Variants in VSIG1 observed in about 807,000 individuals in gnomAD.
VSIG1 encodes the protein V-set and immunoglobulin domain containing 1.
A neutral mutation model predicts 20.1 loss-of-function variants in VSIG1; 11 were observed. That is an observed-to-expected ratio of 0.55 (90% CI 0.34 to 0.91). VSIG1 has a LOEUF of 0.91. Among genes scored for constraint, VSIG1 ranks in the 40% least tolerant of loss-of-function variants. The probability of loss-of-function intolerance (pLI) is 0.02; values close to 1 mark genes in which losing one functional copy is unlikely to be tolerated. For missense variants in VSIG1, 283 were observed against 298.8 expected, an observed-to-expected ratio of 0.95 and a Z score of 0.39; for synonymous variants, 126 against 116.7, an observed-to-expected ratio of 1.08 and a Z score of -0.52.
chrX:108,074,793 G>A lies in VSIG1; in HGVS notation c.689-1284G>A, dbSNP rs370364054. Among the ~76,000 whole-genome samples the A allele has an allele frequency of 4.5e-5, 5 of 111,606 alleles. No homozygotes were observed. The East Asian group carries it at 1.1e-3, about 25-fold the overall frequency. On this transcript the variant is annotated intron_variant, in intron 5 of 6. Coordinates refer to ENST00000217957, the MANE Select transcript of VSIG1 (RefSeq NM_182607.5). ...ATGGGAAAGCTGAAGCATGACGGTA[G>A]AGCAGCAGGCTTAGGAGAGCAACCA... is the stretch of plus-strand genomic sequence containing the variant.
chrX:108,037,617 A>C, the VSIG1 span, among the ~76,000 whole-genome samples: 1 of 112,491 alleles, frequency 8.9e-6, no homozygotes, highest in African/African-American at 3.2e-5. Flanking sequence ...ATTTGCCACT[A>C]TTTCAGACTT....
chrX:108,040,790 CT>C (rs1015001756), upstream of VSIG1, among the ~76,000 whole-genome samples: 7 of 111,446 alleles, frequency 6.3e-5, no homozygotes, highest in African/African-American at 1.6e-4. Context: ...AATAAAAATA[CT>C]TTTTTTAAGG....
intron 1 of VSIG1, among the ~76,000 whole-genome samples, chrX:108,048,561 C>T (rs958784059): frequency 5.4e-5 from 6 of 112,112 alleles, no homozygotes; most frequent in Non-Finnish European, 3.8e-5. Flanking sequence ...CTTTACTTTG[C>T]TATTTATTCA....
upstream of VSIG1, among the ~76,000 whole-genome samples, chrX:108,043,103 G>A (rs774942162): frequency 2.0e-4 from 22 of 111,557 alleles, no homozygotes; most frequent in African/African-American, 7.2e-4. Context: ...AGAAGAGAAG[G>A]TGGATGTCAG....
chrX:108,066,193 T>C (rs976763238), intron 2 of VSIG1, among the ~76,000 whole-genome samples: 3 of 112,060 alleles, frequency 2.7e-5, no homozygotes, highest in African/African-American at 9.7e-5. Flanking sequence ...ATGGGTCACT[T>C]AATCTCTCTG....
chrX:108,047,961 CAT>C (rs1172282311), intron 1 of VSIG1, among the ~76,000 whole-genome samples: 4,672 of 19,759 alleles, frequency 0.24, 500 homozygotes, highest in Middle Eastern at 0.39. Flanking sequence ...TATACACACA[CAT>C]ATATATATAT....
At chrX:108,042,045 T>C (rs1238370426), upstream of VSIG1, among the ~76,000 whole-genome samples, 2 of 111,914 alleles carry the variant, frequency 1.8e-5, no homozygotes, top group Admixed American at 9.5e-5. Flanking sequence ...TAAAGCTCTA[T>C]AAAACTGCAA....
chrX:108,060,782 G>A (rs907282549), intron 2 of VSIG1, among the ~76,000 whole-genome samples: 2 of 112,407 alleles, frequency 1.8e-5, no homozygotes, highest in African/African-American at 3.2e-5. Flanking sequence ...GACTAAATGG[G>A]ATGATGCTTG....
chrX:108,053,574 A>G (rs1481424043), intron 1 of VSIG1, among the ~76,000 whole-genome samples: 1 of 112,076 alleles, frequency 8.9e-6, no homozygotes, highest in African/African-American at 3.2e-5. Context: ...CAGAAGAATA[A>G]GAACTAAAGG....
chrX:108,055,198 A>G (rs2030870213), intron 1 of VSIG1, among the ~76,000 whole-genome samples: 1 of 111,363 alleles, frequency 9.0e-6, no homozygotes, highest in South Asian at 3.7e-4. Flanking sequence ...CATATATTTG[A>G]CAACTTAGAA....
At chrX:108,071,211 C>T (rs1250212125) in intron 3 of VSIG1, among the ~76,000 whole-genome samples, 1 of 111,339 alleles carries the variant, frequency 9.0e-6, no homozygotes, top group East Asian at 2.8e-4. Context: ...AGTAATATGA[C>T]ACATTTCATG....
intron 2 of VSIG1, among the ~76,000 whole-genome samples, chrX:108,065,050 G>A (rs757175868): frequency 2.1e-4 from 23 of 111,906 alleles, no homozygotes; most frequent in Non-Finnish European, 4.3e-4. Flanking sequence ...CATTTATAAT[G>A]CAAGCAAGAA....
At chrX:108,029,376 G>A in the VSIG1 span, among the ~76,000 whole-genome samples, 23 of 111,392 alleles carry the variant, frequency 2.1e-4, no homozygotes, top group Middle Eastern at 9.1e-3. Context: ...TGTTCGAGTT[G>A]TAATGACATA....
the VSIG1 span, among the ~76,000 whole-genome samples, chrX:108,029,600 C>T: frequency 6.5e-3 from 731 of 112,074 alleles, 3 homozygotes; most frequent in Non-Finnish European, 0.011. Flanking sequence ...CAACCCTGAG[C>T]ATTCCTAAAA....
intron 5 of VSIG1, among the ~76,000 whole-genome samples, chrX:108,075,372 G>T (rs1033827447): frequency 5.4e-5 from 6 of 112,112 alleles, no homozygotes; most frequent in African/African-American, 1.9e-4. Context: ...GAGACATGTA[G>T]TAGAACTATT....
the VSIG1 span, among the ~76,000 whole-genome samples, chrX:108,034,852 T>C: frequency 6.3e-3 from 708 of 111,726 alleles, 6 homozygotes; most frequent in African/African-American, 0.022. Flanking sequence ...GAGTCCATAT[T>C]CTTTGTCACT....
At chrX:108,064,103 G>C (rs2031082649) in intron 2 of VSIG1, among the ~76,000 whole-genome samples, 1 of 112,239 alleles carries the variant, frequency 8.9e-6, no homozygotes, top group Non-Finnish European at 1.9e-5. Context: ...TATATGATTA[G>C]ATAAGCAGTT....
intron 5 of VSIG1, among the ~76,000 whole-genome samples, chrX:108,074,830 G>A (rs184344447): frequency 3.6e-5 from 4 of 111,625 alleles, no homozygotes; most frequent in South Asian, 7.5e-4. Flanking sequence ...GTCATGATGG[G>A]GGAAGAGAAT....
chrX:108,035,250 T>A, the VSIG1 span, among the ~76,000 whole-genome samples: 1 of 111,198 alleles, frequency 9.0e-6, no homozygotes, highest in Non-Finnish European at 1.9e-5. Context: ...AGGCATGTGC[T>A]GCCAAAACCA....
Sources: gnomAD v4.1 joint callset for allele counts (sites outside exome capture counted in the v4.1 genomes callset) on GRCh38, gnomAD v4.1.1 for gene constraint, MANE v1.5 for transcripts, NCBI Gene and HGNC (gene_info 2026-07-23, HGNC 2026-07-21) for gene names.